Variants in SETBP1 observed in about 807,000 individuals in gnomAD.
SETBP1 encodes the protein SET-binding protein.
In SETBP1, 9 loss-of-function variants were observed where a neutral mutation model predicts 101.0. The ratio of observed to expected loss-of-function variants is 0.09; its 90% CI spans 0.05 to 0.16. SETBP1 has a LOEUF of 0.16. Ranked by LOEUF, SETBP1 falls within the 10% of genes least tolerant of loss-of-function variation. The pLI is 1.00. For synonymous variants in SETBP1, 818 were observed against 788.5 expected (o/e 1.04, Z -0.63); for missense variants, 1,858 against 2,033.8 (o/e 0.91, Z 1.66).
At chr18:44,885,841 T>TCAAAAAAAAAAAAA (rs2069629383) in intron 3 of SETBP1, among the ~76,000 whole-genome samples, 1 of 17,118 alleles carries the variant, frequency 5.8e-5, no homozygotes, top group African/African-American at 3.4e-4. Flanking sequence ...GCCCATTTCA[T>TCAAAAAAAAAAAAA]TAAAAAAAAA....
chr18:44,931,601 T>C (rs1332482343), intron 3 of SETBP1, among the ~76,000 whole-genome samples: 1 of 152,228 alleles, frequency 6.6e-6, no homozygotes, highest in Non-Finnish European at 1.5e-5. Flanking sequence ...TCTAAGGACT[T>C]GCTTTATGAA....
At chr18:44,841,354 C>T (rs949284230) in intron 2 of SETBP1, among the ~76,000 whole-genome samples, 3 of 152,246 alleles carry the variant, frequency 2.0e-5, no homozygotes, top group Middle Eastern at 3.4e-3. Flanking sequence ...TTTCTTAGAG[C>T]GAGTTATCCA....
intron 4 of SETBP1, among the ~76,000 whole-genome samples, chr18:44,971,453 C>T (rs183268865): frequency 1.6e-3 from 250 of 152,184 alleles, no homozygotes; most frequent in African/African-American, 5.2e-3. Flanking sequence ...ATCGCCACAC[C>T]GACTTCCACA....
chr18:44,680,226 G>T (rs866502022), upstream of SETBP1: 4 of 145,612 alleles, frequency 2.7e-5, no homozygotes, highest in South Asian at 8.4e-4. Flanking sequence ...CGCGCGCCCG[G>T]GGGCCCCGGC....
chr18:44,992,355 C>T (rs1194792707), intron 4 of SETBP1, among the ~76,000 whole-genome samples: 2 of 151,930 alleles, frequency 1.3e-5, no homozygotes, highest in Non-Finnish European at 2.9e-5. Context: ...AATTGCTTCT[C>T]AGCCTTTTGG....
At chr18:44,901,981 TC>T (rs571969844) in intron 3 of SETBP1, among the ~76,000 whole-genome samples, 119 of 152,340 alleles carry the variant, frequency 7.8e-4, no homozygotes, top group African/African-American at 2.8e-3. Flanking sequence ...ATTCTGCCTA[TC>T]TAGGCTCATG....
chr18:44,745,038 A>C (rs1286767321), intron 2 of SETBP1, among the ~76,000 whole-genome samples: 1 of 152,054 alleles, frequency 6.6e-6, no homozygotes, highest in African/African-American at 2.4e-5. Flanking sequence ...TGGGGGCCTC[A>C]TTGAGCCCAC....
chr18:44,977,320 A>C (rs540602378), intron 4 of SETBP1, among the ~76,000 whole-genome samples: 88 of 152,350 alleles, frequency 5.8e-4, no homozygotes, highest in Non-Finnish European at 1.0e-3. Context: ...AAAGGAGCAA[A>C]GAAGGGAGAG....
intron 2 of SETBP1, among the ~76,000 whole-genome samples, chr18:44,747,082 C>G (rs2070271810): frequency 6.6e-6 from 1 of 152,186 alleles, no homozygotes; most frequent in African/African-American, 2.4e-5. Flanking sequence ...GCTGCAAGCA[C>G]TTAGGGAAGC....
chr18:44,763,010 C>T (rs1313282669), intron 2 of SETBP1, among the ~76,000 whole-genome samples: 3 of 152,178 alleles, frequency 2.0e-5, no homozygotes, highest in African/African-American at 7.2e-5. Flanking sequence ...AGGAGGCAAA[C>T]ACTAATATGT....
At chr18:44,978,588 C>T (rs1415512049) in intron 4 of SETBP1, among the ~76,000 whole-genome samples, 1 of 152,158 alleles carries the variant, frequency 6.6e-6, no homozygotes, top group African/African-American at 2.4e-5. Context: ...CTCCATTTAA[C>T]AGATTTAACA....
intron 2 of SETBP1, among the ~76,000 whole-genome samples, chr18:44,747,679 A>AT (rs1339956495): frequency 3.9e-5 from 6 of 152,238 alleles, no homozygotes; most frequent in Non-Finnish European, 8.8e-5. Context: ...TGTGTAACTC[A>AT]GTTATTCAGA....
intron 2 of SETBP1, among the ~76,000 whole-genome samples, chr18:44,797,436 C>T (rs539220150): frequency 1.3e-5 from 2 of 152,294 alleles, no homozygotes; most frequent in African/African-American, 2.4e-5. Flanking sequence ...TTGCATTAAT[C>T]GCAGAGCAAT....
chr18:44,717,393 C>T (rs1852139071), intron 2 of SETBP1, among the ~76,000 whole-genome samples: 1 of 152,212 alleles, frequency 6.6e-6, no homozygotes, highest in Admixed American at 6.5e-5. Flanking sequence ...ATGCTTTTGT[C>T]CTCTTTTTCT....
At chr18:44,935,782 C>CCT (rs1401914665) in intron 3 of SETBP1, among the ~76,000 whole-genome samples, 51 of 152,276 alleles carry the variant, frequency 3.3e-4, no homozygotes, top group African/African-American at 1.2e-3. Flanking sequence ...GGTTAATGAT[C>CCT]CTCTCTCCTC....
chr18:44,683,482 A>C (rs1489891105), intron 1 of SETBP1, among the ~76,000 whole-genome samples: 1 of 152,186 alleles, frequency 6.6e-6, no homozygotes, highest in Non-Finnish European at 1.5e-5. Context: ...CCTGGATTCC[A>C]TTTCTCCTGT....
At chr18:44,776,321 T>G (rs1023884141) in intron 2 of SETBP1, among the ~76,000 whole-genome samples, 7 of 152,294 alleles carry the variant, frequency 4.6e-5, no homozygotes, top group African/African-American at 1.7e-4. Flanking sequence ...CTCTTTTCGC[T>G]CCATAGCACA....
At chr18:44,873,577 T>C (rs1320828568) in intron 3 of SETBP1, among the ~76,000 whole-genome samples, 1 of 152,138 alleles carries the variant, frequency 6.6e-6, no homozygotes, top group Admixed American at 6.5e-5. Context: ...AGTGGACTTA[T>C]TCCAGAGCAG....
chr18:44,976,695 C>T (rs2071995982), intron 4 of SETBP1, among the ~76,000 whole-genome samples: 1 of 152,224 alleles, frequency 6.6e-6, no homozygotes, highest in Admixed American at 6.5e-5. Context: ...AGCTCTGTCA[C>T]TCACTAGCTG....
Sources: allele counts gnomAD v4.1 joint callset (sites outside exome capture counted in the v4.1 genomes callset), GRCh38; gene constraint gnomAD v4.1.1; transcripts MANE v1.5; gene names NCBI Gene and HGNC (gene_info 2026-07-23, HGNC 2026-07-21).